CTNND2: variants seen among roughly 807,000 people sequenced by gnomAD.
CTNND2 encodes the protein catenin delta-2.
CTNND2 carries 22 observed loss-of-function variants against 144.4 expected under a neutral mutation model. The ratio of observed to expected loss-of-function variants is 0.15; its 90% confidence interval spans 0.11 to 0.22. The LOEUF (loss-of-function observed/expected upper bound fraction) is 0.22. CTNND2 is among the 10% of genes least tolerant of loss of function. The pLI is 1.00. For missense variants in CTNND2, 1,353 were observed against 1,618.8 expected, an observed-to-expected ratio of 0.84 and a Z score of 2.82; for synonymous variants, 751 against 695.6, an observed-to-expected ratio of 1.08 and a Z score of -1.25.
At chr5:11,475,307 T>C (rs1255478190) in intron 3 of CTNND2, among the ~76,000 whole-genome samples, 2 of 152,236 alleles carry the variant, frequency 1.3e-5, no homozygotes, top group African/African-American at 4.8e-5. Context: ...TTCAGGATTT[T>C]GGATACTCAA....
chr5:10,978,540 A>G (rs1736799628), intron 21 of CTNND2, among the ~76,000 whole-genome samples: 1 of 151,794 alleles, frequency 6.6e-6, no homozygotes, highest in Admixed American at 6.6e-5. Flanking sequence ...TTAAAAATGG[A>G]TGTTAGGCTA....
intron 7 of CTNND2, among the ~76,000 whole-genome samples, chr5:11,381,706 G>A (rs528967293): frequency 2.4e-4 from 37 of 152,188 alleles, no homozygotes; most frequent in Admixed American, 4.6e-4. Flanking sequence ...GGTGGCTCAC[G>A]CCTGTAATCC....
chr5:11,120,851 T>A (rs1754072642), intron 12 of CTNND2, among the ~76,000 whole-genome samples: 1 of 152,184 alleles, frequency 6.6e-6, no homozygotes, highest in Non-Finnish European at 1.5e-5. Flanking sequence ...CAATGGGCAA[T>A]GATTTCCTAT....
chr5:11,150,252 G>A (rs935098878), intron 12 of CTNND2, among the ~76,000 whole-genome samples: 1 of 152,148 alleles, frequency 6.6e-6, no homozygotes, highest in African/African-American at 2.4e-5. Flanking sequence ...ACCTCCCGCT[G>A]AGCCTCCACC....
intron 15 of CTNND2, among the ~76,000 whole-genome samples, chr5:11,089,280 A>C (rs1408885270): frequency 6.6e-6 from 1 of 152,238 alleles, no homozygotes; most frequent in African/African-American, 2.4e-5. Context: ...CTAGTGTACT[A>C]AAATAAACTC....
chr5:11,420,258 G>A (rs1009925807), intron 3 of CTNND2, among the ~76,000 whole-genome samples: 2 of 152,132 alleles, frequency 1.3e-5, no homozygotes, highest in Non-Finnish European at 2.9e-5. Context: ...GGGAGGTGGA[G>A]GTTGCAGTGA....
At chr5:11,776,949 C>G (rs1201030055) in intron 1 of CTNND2, among the ~76,000 whole-genome samples, 1 of 152,046 alleles carries the variant, frequency 6.6e-6, no homozygotes, top group South Asian at 2.1e-4. Flanking sequence ...ATCCACACTC[C>G]TAATAAAAAC....
At position 11,018,074 on chromosome 5, in the gene CTNND2, C is replaced by T; in HGVS notation, c.3000-16G>A. 3 of 1,589,628 alleles carry T rather than the reference C, an allele frequency of 1.9e-6. No homozygotes were observed. The highest frequency in any genetic ancestry group is 2.6e-6 in the Non-Finnish European group (3 of 1,158,012). On this transcript the variant is annotated splice_polypyrimidine_tract_variant and intron_variant, in intron 17 of 21. Coordinates refer to ENST00000304623, the MANE Select transcript of CTNND2 (RefSeq NM_001332.4). ...TGGAGAGTGTCTGATGAAGAAAAGA[C>T]AGGAAAGGCAAGATGTGAGTGGGAC...
In CTNND2 at chr5:10,973,354, T is replaced by A. The variant is rs1301881832; in HGVS notation, c.*99A>T. ...CACAGCCTTCCTATGGAACAGGCTTTAACAAACTAAATTTGCAGGAGAAAA... is the reference window on the plus strand; with the variant it reads ...CACAGCCTTCCTATGGAACAGGCTTAAACAAACTAAATTTGCAGGAGAAAA... On this transcript the variant is annotated 3_prime_UTR_variant, in exon 22 of 22. Transcript: ENST00000304623. This position sits in a 1 kb window ranked among gnomAD's most constrained non-coding sequence, Gnocchi z 5.6. The A allele has an allele frequency of 7.4e-7, 1 of 1,352,654 alleles. No individual in the cohort carries two copies. The highest frequency in any genetic ancestry group is 1.5e-5 in the African/African-American group (1 of 68,284). The allele number at this position is 1,352,654 out of a possible 1,614,324, so 83.8% of individuals were successfully genotyped here.
At chr5:11,202,106 TC>T (rs1737504819) in intron 10 of CTNND2, among the ~76,000 whole-genome samples, 1 of 152,200 alleles carries the variant, frequency 6.6e-6, no homozygotes, top group Non-Finnish European at 1.5e-5. Context: ...ATAAATCCAT[TC>T]TTGCAGTGAA....
chr5:11,258,853 TCTTA>T (rs932042175), intron 9 of CTNND2, among the ~76,000 whole-genome samples: 1 of 152,246 alleles, frequency 6.6e-6, no homozygotes, highest in Non-Finnish European at 1.5e-5. Context: ...CTTTTTTCTT[TCTTA>T]CTTCTCATTT....
intron 3 of CTNND2, among the ~76,000 whole-genome samples, chr5:11,427,743 TC>T (rs1246921404): frequency 6.6e-6 from 1 of 152,108 alleles, no homozygotes; most frequent in Middle Eastern, 3.2e-3. Context: ...CTCCTGCCTC[TC>T]CCAGACTTCA....
chr5:11,820,266 G>A (rs1032539073), intron 1 of CTNND2, among the ~76,000 whole-genome samples: 2 of 152,162 alleles, frequency 1.3e-5, no homozygotes, highest in Non-Finnish European at 2.9e-5. Context: ...CAAGTTAAAA[G>A]GTTAAGAATG....
At chr5:11,729,189 C>G (rs1418453105) in intron 2 of CTNND2, among the ~76,000 whole-genome samples, 1 of 131,832 alleles carries the variant, frequency 7.6e-6, no homozygotes, top group African/African-American at 3.4e-5. Context: ...TTATGTGCCA[C>G]CAAAAAAAAA....
chr5:11,656,923 C>A (rs941015855), intron 2 of CTNND2, among the ~76,000 whole-genome samples: 2 of 152,102 alleles, frequency 1.3e-5, no homozygotes, highest in Non-Finnish European at 2.9e-5. Context: ...GAGAACTTGG[C>A]CCTCTGCGTA....
chr5:11,037,413 G>A (rs1321298544), intron 16 of CTNND2, among the ~76,000 whole-genome samples: 2 of 152,102 alleles, frequency 1.3e-5, no homozygotes. Flanking sequence ...AAGTTCTTTC[G>A]ACACTTCATA....
At chr5:11,885,093 G>C (rs540073661) in intron 1 of CTNND2, among the ~76,000 whole-genome samples, 4 of 152,178 alleles carry the variant, frequency 2.6e-5, no homozygotes, top group Admixed American at 2.6e-4. Context: ...TTACATCTAT[G>C]TTCATCAGAG....
At chr5:11,868,908 T>C (rs1795900015) in intron 1 of CTNND2, among the ~76,000 whole-genome samples, 1 of 152,128 alleles carries the variant, frequency 6.6e-6, no homozygotes, top group Non-Finnish European at 1.5e-5. Context: ...TTCCCTTTAT[T>C]TATAAATTAG....
At chr5:11,387,790 A>G (rs1306104754) in intron 6 of CTNND2, among the ~76,000 whole-genome samples, 1 of 152,222 alleles carries the variant, frequency 6.6e-6, no homozygotes, top group African/African-American at 2.4e-5. Flanking sequence ...AAATAGCATA[A>G]TTTTTAATAA....
Sources: gnomAD v4.1 joint callset for allele counts (sites outside exome capture counted in the v4.1 genomes callset) on GRCh38, gnomAD v4.1.1 for gene constraint, Gnocchi (gnomAD v3.1) non-coding constraint, MANE v1.5 for transcripts, NCBI Gene and HGNC (gene_info 2026-07-23, HGNC 2026-07-21) for gene names.